Variants in BET1 observed in about 807,000 individuals in gnomAD.
BET1 encodes the protein BET1 homolog.
BET1 carries 9 observed loss-of-function variants against 13.9 expected under a neutral mutation model. That is an observed-to-expected ratio of 0.65 (90% CI 0.39 to 1.13). BET1 has a LOEUF of 1.13. Ranked by LOEUF, BET1 falls within the 50% of genes most tolerant of loss-of-function variation. The pLI is 0.01. For synonymous variants in BET1, 39 were observed against 47.3 expected (o/e 0.82, Z 0.72); for missense variants, 127 against 133.6 (o/e 0.95, Z 0.24).
At chr7:93,966,972 G>T (rs750603218) in intron 6 of BET1, among the ~76,000 whole-genome samples, 3 of 151,824 alleles carry the variant, frequency 2.0e-5, no homozygotes, top group Non-Finnish European at 4.4e-5. Flanking sequence ...TGTGGACATT[G>T]TAAGGGTAAT....
chr7:93,986,241 A>G (rs183058659), intron 4 of BET1, among the ~76,000 whole-genome samples: 2 of 152,290 alleles, frequency 1.3e-5, no homozygotes, highest in Admixed American at 1.3e-4. Flanking sequence ...ATTAAATGGT[A>G]TCTCATTTGC....
intron 5 of BET1, among the ~76,000 whole-genome samples, chr7:93,973,935 T>C (rs1490399035): frequency 2.0e-5 from 3 of 152,020 alleles, no homozygotes; most frequent in Non-Finnish European, 2.9e-5. Context: ...GATTGAATAG[T>C]ATGAGGCTAA....
At chr7:93,977,440 G>A (rs1348139647) in intron 4 of BET1, among the ~76,000 whole-genome samples, 5 of 152,048 alleles carry the variant, frequency 3.3e-5, no homozygotes, top group African/African-American at 7.2e-5. Context: ...TACAGATTAC[G>A]GGTAGTAGCT....
Position 94,004,288 on chromosome 7 carries a change from G to A in BET1, c.-72C>T. On this transcript the variant is annotated 5_prime_UTR_variant, in exon 1 of 4. Transcript: ENST00000222547. ...GTAGGAAACAGCTAGGGGCGACCCGGACCGCGTCTTCAGTACCAGGGCCCA... is the reference window on the plus strand; with the variant it reads ...GTAGGAAACAGCTAGGGGCGACCCGAACCGCGTCTTCAGTACCAGGGCCCA... 6.2e-7 allele frequency: 1 copy of A among 1,603,038 alleles called. No homozygotes were observed. Among genetic ancestry groups the A allele is most frequent in the Non-Finnish European group, 8.5e-7 (1 of 1,170,230 alleles).
chr7:93,989,008 CTGT>C (rs999052624), downstream of BET1, among the ~76,000 whole-genome samples: 7 of 147,058 alleles, frequency 4.8e-5, no homozygotes, highest in East Asian at 2.0e-4. Flanking sequence ...TATATATATA[CTGT>C]TGTTGTTGTT....
chr7:93,998,423 G>A (rs1158067918), intron 2 of BET1, among the ~76,000 whole-genome samples: 1 of 152,152 alleles, frequency 6.6e-6, no homozygotes. Flanking sequence ...GATAGGCCAG[G>A]TGCGGTGGCT....
intron 4 of BET1, among the ~76,000 whole-genome samples, chr7:93,987,557 T>C (rs954745567): frequency 1.3e-5 from 2 of 152,124 alleles, no homozygotes; most frequent in Non-Finnish European, 2.9e-5. Flanking sequence ...GGGAGAGTTC[T>C]ACAACTGGGT....
chr7:93,976,175 TA>T (rs1795332994), intron 4 of BET1: 1 of 1,014,138 alleles, frequency 9.9e-7, no homozygotes, highest in African/African-American at 1.7e-5. Context: ...AAAGTAGAAG[TA>T]AATGTACTCT....
At position 93,994,293 on chromosome 7, in the gene BET1, G is replaced by A; in HGVS notation, c.294C>T (p.Cys98=). The A allele has an allele frequency of 1.2e-6, 2 of 1,613,746 alleles. No individual in the cohort carries two copies. Among genetic ancestry groups the A allele is most frequent in the Non-Finnish European group, 1.7e-6 (2 of 1,179,838 alleles). ...CAAATAAAGAAAACAGCATCATATA[G>A]CACAGCAGCTTTGTTTGGCTCCCTC... The part of the protein sequence containing the change: ...LSRGSQTKLL[C]YMMLFSLFVF... Residue 98 remains cysteine, a synonymous_variant, in exon 4 of 4, where the codon TGC becomes TGT. Coordinates refer to ENST00000222547, the MANE Select transcript of BET1 (RefSeq NM_005868.6).
intron 1 of BET1, among the ~76,000 whole-genome samples, chr7:94,001,458 T>C (rs545357530): frequency 6.6e-6 from 1 of 152,164 alleles, no homozygotes; most frequent in Non-Finnish European, 1.5e-5. Context: ...CAGATACCTA[T>C]GCAATCTCCA....
chr7:93,973,420 C>T (rs1795289700), intron 5 of BET1, among the ~76,000 whole-genome samples: 1 of 151,886 alleles, frequency 6.6e-6, no homozygotes, highest in Non-Finnish European at 1.5e-5. Flanking sequence ...TTTTGGGATC[C>T]TCAGTTCCCC....
Position 93,994,144 on chromosome 7 carries a change from C to G in BET1, c.*86G>C. 1 of 1,502,064 alleles carries G rather than the reference C, an allele frequency of 6.7e-7. No homozygotes were observed. The highest frequency in any genetic ancestry group is 8.8e-7 in the Non-Finnish European group (1 of 1,131,094). 93.0% of individuals were successfully genotyped at this position (1,502,064 alleles called of 1,614,324 possible). A position where few individuals can be genotyped will look rare whatever the true frequency, so the allele number is the denominator to read the frequency against. On this transcript the variant is annotated 3_prime_UTR_variant, in exon 4 of 4. Coordinates refer to ENST00000222547, the MANE Select transcript of BET1 (RefSeq NM_005868.6). Reference sequence around the variant, plus strand: ...TGGAAAATGCCACAGTATTTGAACACTAGGAATGTTTTGATGCTGATTTTT... The same window carrying G: ...TGGAAAATGCCACAGTATTTGAACAGTAGGAATGTTTTGATGCTGATTTTT...
downstream of BET1, among the ~76,000 whole-genome samples, chr7:93,988,975 G>T (rs1795577145): frequency 6.8e-6 from 1 of 147,458 alleles, no homozygotes. Flanking sequence ...ATATATAAAA[G>T]ATATATAAAT....
chr7:93,993,042 C>A (rs906387567), downstream of BET1: 1 of 982,492 alleles, frequency 1.0e-6, no homozygotes, highest in African/African-American at 1.8e-5. Flanking sequence ...ATTGAAAACT[C>A]AGTAAAATCC....
chr7:93,967,835 T>C (rs1795198947), intron 6 of BET1, among the ~76,000 whole-genome samples: 1 of 151,786 alleles, frequency 6.6e-6, no homozygotes, highest in Admixed American at 6.6e-5. Context: ...GTTATCACAA[T>C]GTATTTTGAA....
At chr7:94,003,632 C>G (rs1469864958) in intron 1 of BET1, among the ~76,000 whole-genome samples, 1 of 152,162 alleles carries the variant, frequency 6.6e-6, no homozygotes, top group African/African-American at 2.4e-5. Context: ...CAAACCTTAA[C>G]CACGTTCTAC....
chr7:93,968,343 CA>C (rs912617727), intron 6 of BET1: 1 of 151,604 alleles, frequency 6.6e-6, no homozygotes. Context: ...ACCATACATA[CA>C]AAAGTATTAC....
chr7:93,992,700 G>T, downstream of BET1: 1 of 982,846 alleles, frequency 1.0e-6, no homozygotes, highest in Non-Finnish European at 1.2e-6. Flanking sequence ...TCTGTTAATG[G>T]TAGTGAGAAC....
intron 4 of BET1, among the ~76,000 whole-genome samples, chr7:93,977,768 G>T (rs1415400341): frequency 6.6e-6 from 1 of 152,116 alleles, no homozygotes; most frequent in Non-Finnish European, 1.5e-5. Context: ...TGTCCCAGAG[G>T]CCAGATGCTT....
Sources: allele counts gnomAD v4.1 joint callset (sites outside exome capture counted in the v4.1 genomes callset), GRCh38; gene constraint gnomAD v4.1.1; transcripts MANE v1.5; gene names NCBI Gene and HGNC (gene_info 2026-07-23, HGNC 2026-07-21).